The following TYK2 variants were observed in gnomAD, a reference collection of about 807,000 sequenced individuals.
TYK2 encodes non-receptor tyrosine-protein kinase TYK2.
In TYK2, 65 loss-of-function variants were observed where a neutral mutation model predicts 130.9. The observed-to-expected ratio is 0.50, with a 90% CI of 0.41 to 0.61. The LOEUF is 0.61. Among genes scored for constraint, TYK2 ranks in the 20% least tolerant of loss-of-function variants. The probability of loss-of-function intolerance (pLI) is 0.00; values close to 1 mark genes in which losing one functional copy is unlikely to be tolerated. For missense variants in TYK2, 1,378 were observed against 1,610.7 expected (o/e 0.86, Z 2.47); for synonymous variants, 647 against 658.9 (o/e 0.98, Z 0.28).
At chr19:10,356,777 C>G (rs2041126315) in intron 17 of TYK2, 59 bp from the exon 18 acceptor site, 1 of 1,542,298 alleles carries the variant, frequency 6.5e-7, no homozygotes, top group African/African-American at 1.4e-5. Flanking sequence ...ACCCGTTCCC[C>G]AAGAGGCAGA....
At chr19:10,360,786 C>T (rs8111359) in intron 14 of TYK2, among the ~76,000 whole-genome samples, 11,057 of 151,772 alleles carry the variant, frequency 0.073, 662 homozygotes, top group Non-Finnish European at 0.11. Flanking sequence ...AGAGTCTCGC[C>T]CTGTCGCCCA....
At chr19:10,379,439 G>A (rs1199815866) in intron 2 of TYK2, among the ~76,000 whole-genome samples, 176 bp downstream of exon 2, 1 of 150,804 alleles carries the variant, frequency 6.6e-6, no homozygotes. Flanking sequence ...AAGGCGGACA[G>A]ATCACGAGGT....
intron 14 of TYK2, among the ~76,000 whole-genome samples, chr19:10,359,707 C>T (rs968984285): frequency 8.1e-5 from 12 of 148,852 alleles, no homozygotes; most frequent in African/African-American, 1.5e-4. Context: ...CAGCCGGGCG[C>T]GGTGGCTCAC....
rs2040885314 is a variant in TYK2 at position 10,352,916 on chromosome 19, G to C, written c.3200+10C>G. The C allele has an allele frequency of 1.2e-6, 2 of 1,603,094 alleles. No individual in the cohort carries two copies. Among genetic ancestry groups the C allele is most frequent in the Non-Finnish European group, 8.5e-7 (1 of 1,175,914 alleles). ...CCAGCACCCCCTCAGACTGCACCCCGCCTGGTCACCAGAACACGGGGCTGT... is the reference window on the plus strand; with the variant it reads ...CCAGCACCCCCTCAGACTGCACCCCCCCTGGTCACCAGAACACGGGGCTGT... On this transcript the variant is annotated intron_variant, in intron 22 of 24. Coordinates refer to ENST00000525621, the MANE Select transcript of TYK2 (RefSeq NM_003331.5).
At chr19:10,376,264 C>G (rs933978268) in intron 3 of TYK2, among the ~76,000 whole-genome samples, 10 of 109,330 alleles carry the variant, frequency 9.1e-5, no homozygotes, top group Middle Eastern at 4.2e-3. Context: ...CTGCCCGCCT[C>G]AGCCTCTGAA....
At chr19:10,368,483 C>A (rs1449989943) in intron 3 of TYK2, 65 bp from the exon 4 acceptor site, 1 of 1,610,472 alleles carries the variant, frequency 6.2e-7, no homozygotes, top group Admixed American at 1.7e-5. Flanking sequence ...CAAAGACCCC[C>A]CAGACCCAAT....
rs2041765783 is a variant in TYK2, at chr19:10,368,438, A to C, written c.194-20T>G. ...TGATACCTGGATCAGGTGAGAAACG[A>C]GGTCAGGAGTCACGTCATTTGCTAC... On this transcript the variant is annotated intron_variant, in intron 3 of 24. Coordinates refer to ENST00000525621, the MANE Select transcript of TYK2 (RefSeq NM_003331.5). The C allele has an allele frequency of 1.2e-6, 2 of 1,614,028 alleles. No individual in the cohort carries two copies. Among genetic ancestry groups the C allele is most frequent in the Non-Finnish European group, 1.7e-6 (2 of 1,179,982 alleles).
At chr19:10,352,336 T>G in intron 23 of TYK2, 98 bp downstream of exon 23, 1 of 838,566 alleles carries the variant, frequency 1.2e-6, no homozygotes, top group East Asian at 2.5e-5. Flanking sequence ...CCTCCCAAAG[T>G]GCTGGGATTA....
chr19:10,366,613 G>T, intron 5 of TYK2, 33 bp from the exon 6 acceptor site: 4 of 1,613,122 alleles, frequency 2.5e-6, no homozygotes, highest in African/African-American at 2.7e-5. Context: ...AAAGGGAGGT[G>T]TGAGAATGCG....
chr19:10,360,483 G>C (rs1323142643), intron 14 of TYK2, among the ~76,000 whole-genome samples: 1 of 152,062 alleles, frequency 6.6e-6, no homozygotes, highest in South Asian at 2.1e-4. Context: ...GGCAACAGAG[G>C]GAGACCCTAG....
chr19:10,353,264 G>C lies in TYK2; in HGVS notation c.3028-166C>G, dbSNP rs1178068960. The C allele has an allele frequency of 1.1e-5, 7 of 618,884 alleles. No individual in the cohort carries two copies. The highest frequency in any genetic ancestry group is 9.3e-5 in the African/African-American group (5 of 53,576). The allele number at this position is 618,884 out of a possible 1,614,324, so 38.3% of individuals were successfully genotyped here. On this transcript the variant is annotated intron_variant, in intron 21 of 24. Coordinates refer to ENST00000525621, the MANE Select transcript of TYK2 (RefSeq NM_003331.5). The surrounding 1 kb of genome is among the most constrained non-coding windows in gnomAD (Gnocchi z 6.9). ...ACGTGGCACCAAGCAAAAGGAGGCTGAGCCAGAAAGCAGGGACGGGGCTAG... is the reference window on the plus strand; with the variant it reads ...ACGTGGCACCAAGCAAAAGGAGGCTCAGCCAGAAAGCAGGGACGGGGCTAG...
intron 3 of TYK2, among the ~76,000 whole-genome samples, chr19:10,377,643 G>C (rs1392358048): frequency 3.0e-4 from 1 of 3,388 alleles, no homozygotes; most frequent in African/African-American, 1.4e-3. Flanking sequence ...TGGATGGATG[G>C]GTGGATGGAT....
chr19:10,365,660 G>A lies in TYK2; in HGVS notation c.868C>T (p.Pro290Ser). Residue 290 changes from proline to serine, a missense_variant, in exon 7 of 25, where the codon CCC (proline) becomes TCC (serine). Transcript: ENST00000525621. ...LRLLAQAEGE[P>S]CYIRDSGVAP... The stretch of plus-strand genomic sequence containing the variant: ...ACCCCACTGTCCCGGATGTAGCAGG[G>A]CTCCCCCTCGGCCTGGGCCAGCAGC... The A allele has an allele frequency of 6.2e-7, 1 of 1,613,484 alleles. No individual in the cohort carries two copies. Among genetic ancestry groups the A allele is most frequent in the Non-Finnish European group, 8.5e-7 (1 of 1,179,840 alleles).
intron 11 of TYK2, 22 bp from the exon 12 acceptor site, chr19:10,362,203 T>G: frequency 6.2e-7 from 1 of 1,613,794 alleles, no homozygotes; most frequent in East Asian, 2.2e-5. Flanking sequence ...CATCAAGTCA[T>G]GGAGGGCGGG....
intron 14 of TYK2, among the ~76,000 whole-genome samples, chr19:10,360,746 T>C (rs1023447772): frequency 2.0e-5 from 3 of 151,678 alleles, no homozygotes; most frequent in African/African-American, 7.3e-5. Flanking sequence ...AGGGCTTTAT[T>C]TTTTATTTAT....
intron 9 of TYK2, among the ~76,000 whole-genome samples, chr19:10,363,184 TCTC>T (rs1188168293): frequency 2.8e-5 from 4 of 142,040 alleles, no homozygotes; most frequent in Admixed American, 7.0e-5. Context: ...CTACCTGATC[TCTC>T]TTTTTTTTTT....
Position 10,350,922 on chromosome 19 carries a change from C to T in TYK2, c.3476G>A (p.Arg1159His), listed in dbSNP as rs2040768420. 2.5e-6 allele frequency: 4 copies of T among 1,614,104 alleles called. No individual in the cohort carries two copies. Among genetic ancestry groups the T allele is most frequent in the East Asian group, 2.2e-5 (1 of 44,876 alleles). The change falls in exon 25 of 25, where the codon CGC becomes CAC. Residue 1159 changes from arginine (R) to histidine (H), a missense_variant. Transcript: ENST00000525621. ...KNCWETEASFRPTFENLIPIL... is the reference protein window; with the variant it reads ...KNCWETEASFHPTFENLIPIL... ...GGGTATGAGGTTCTCGAAGGTTGGG[C>T]GAAAGGACGCCTCTGTCTCCCAGCA...
intron 18 of TYK2, 56 bp from the exon 19 acceptor site, chr19:10,354,665 A>C (rs1238282770): frequency 9.5e-6 from 14 of 1,473,414 alleles, no homozygotes; most frequent in Admixed American, 1.7e-5. Context: ...CAGCAGGCCC[A>C]CACTTGGGAG....
chr19:10,352,076 C>CT (rs2040834605), intron 23 of TYK2, among the ~76,000 whole-genome samples: 1 of 145,044 alleles, frequency 6.9e-6, no homozygotes, highest in Non-Finnish European at 1.5e-5. Context: ...TCTCTCTCTC[C>CT]GTCCTGTCCT....
Sources: gnomAD v4.1 joint callset for allele counts (sites outside exome capture counted in the v4.1 genomes callset) on GRCh38, gnomAD v4.1.1 for gene constraint, Gnocchi (gnomAD v3.1) non-coding constraint, MANE v1.5 for transcripts, NCBI Gene and HGNC (gene_info 2026-07-23, HGNC 2026-07-21) for gene names.